PDZRN4: variants seen among roughly 807,000 people sequenced by gnomAD.
PDZRN4 encodes PDZ domain containing ring finger 4.
In PDZRN4, 70 loss-of-function variants were observed where a neutral mutation model predicts 99.0. The observed-to-expected ratio is 0.71, with a 90% CI of 0.58 to 0.86. The LOEUF is 0.86. Ranked by LOEUF, PDZRN4 falls within the 40% of genes least tolerant of loss-of-function variation. The probability of loss-of-function intolerance (pLI) is 0.00; values close to 1 mark genes in which losing one functional copy is unlikely to be tolerated. For synonymous variants in PDZRN4, 551 were observed against 501.6 expected, an observed-to-expected ratio of 1.10 and a Z score of -1.32; for missense variants, 1,474 against 1,331.2, an observed-to-expected ratio of 1.11 and a Z score of -1.67.
chr12:41,256,740 G>A (rs945399245), intron 3 of PDZRN4, among the ~76,000 whole-genome samples: 5 of 152,098 alleles, frequency 3.3e-5, no homozygotes, highest in Admixed American at 6.6e-5. Context: ...ACCTTCTTGT[G>A]TGTCTCAAGC....
intron 5 of PDZRN4, among the ~76,000 whole-genome samples, chr12:41,519,393 C>T (rs1938454470): frequency 1.3e-5 from 2 of 152,060 alleles, no homozygotes; most frequent in Admixed American, 1.3e-4. Flanking sequence ...AGAAAGCTGA[C>T]AGCAGCCCTG....
At chr12:41,524,584 T>A (rs1233417580) in intron 5 of PDZRN4, among the ~76,000 whole-genome samples, 1 of 151,490 alleles carries the variant, frequency 6.6e-6, no homozygotes, top group South Asian at 2.1e-4. Flanking sequence ...AAGGCCAGAG[T>A]TGTTGGAATG....
chr12:41,437,929 C>A (rs1224099419), intron 3 of PDZRN4: 1 of 1,613,970 alleles, frequency 6.2e-7, no homozygotes, highest in Non-Finnish European at 8.5e-7. Context: ...TTTGCTCTCT[C>A]TCTCTGCTTC....
chr12:41,377,425 G>A (rs1396623037), intron 3 of PDZRN4, among the ~76,000 whole-genome samples: 1 of 152,040 alleles, frequency 6.6e-6, no homozygotes, highest in Non-Finnish European at 1.5e-5. Flanking sequence ...GTTTTCTTGG[G>A]AGGCCAAGGC....
At chr12:41,571,279 A>G (rs1939467128) in intron 9 of PDZRN4, among the ~76,000 whole-genome samples, 1 of 151,264 alleles carries the variant, frequency 6.6e-6, no homozygotes, top group African/African-American at 2.4e-5. Flanking sequence ...CTACACATGC[A>G]TCTTATTAGG....
intron 3 of PDZRN4, among the ~76,000 whole-genome samples, chr12:41,365,416 A>G (rs1240431061): frequency 6.6e-6 from 1 of 152,016 alleles, no homozygotes; most frequent in Non-Finnish European, 1.5e-5. Flanking sequence ...TTCTAAAATA[A>G]CCCACATGAT....
At chr12:41,480,124 G>A (rs1342831148) in intron 3 of PDZRN4, among the ~76,000 whole-genome samples, 1 of 152,070 alleles carries the variant, frequency 6.6e-6, no homozygotes, top group Non-Finnish European at 1.5e-5. Context: ...GGAAATATTA[G>A]CAATTTCTTC....
At chr12:41,267,878 G>A (rs184481758) in intron 3 of PDZRN4, among the ~76,000 whole-genome samples, 1 of 151,912 alleles carries the variant, frequency 6.6e-6, no homozygotes, top group East Asian at 1.9e-4. Flanking sequence ...GAAGAAGAAG[G>A]TGTGAGTAAG....
intron 3 of PDZRN4, among the ~76,000 whole-genome samples, chr12:41,432,569 G>A (rs1952594224): frequency 6.6e-6 from 1 of 152,130 alleles, no homozygotes. Flanking sequence ...ATGAGTTTTG[G>A]GGGCTCAAAG....
At chr12:41,288,770 G>C (rs1951437503) in intron 3 of PDZRN4, among the ~76,000 whole-genome samples, 1 of 152,050 alleles carries the variant, frequency 6.6e-6, no homozygotes, top group Non-Finnish European at 1.5e-5. Flanking sequence ...TAGCAACCCA[G>C]CCTCATTAGT....
chr12:41,509,714 C>T (rs1938273619), intron 4 of PDZRN4, 97 bp from the exon 5 acceptor site: 2 of 635,626 alleles, frequency 3.1e-6, no homozygotes, highest in East Asian at 2.8e-5. Context: ...GATCTTATTC[C>T]AAAGCAGAGC....
At chr12:41,560,666 T>G (rs1448479778) in intron 7 of PDZRN4, among the ~76,000 whole-genome samples, 1 of 152,204 alleles carries the variant, frequency 6.6e-6, no homozygotes, top group Non-Finnish European at 1.5e-5. Context: ...CATGTCTGCC[T>G]GGTATTTTCC....
chr12:41,330,560 A>T (rs1565553735), intron 3 of PDZRN4, among the ~76,000 whole-genome samples: 1 of 152,010 alleles, frequency 6.6e-6, no homozygotes. Context: ...AGCTCATGAG[A>T]AAATTAAAAC....
intron 3 of PDZRN4, among the ~76,000 whole-genome samples, chr12:41,454,819 T>TA (rs144620901): frequency 1.3e-5 from 2 of 152,190 alleles, no homozygotes; most frequent in Non-Finnish European, 2.9e-5. Flanking sequence ...TTCCCTTATG[T>TA]AAAAAATGGC....
intron 3 of PDZRN4, among the ~76,000 whole-genome samples, chr12:41,358,105 G>A (rs181393162): frequency 1.6e-3 from 238 of 152,096 alleles, no homozygotes; most frequent in African/African-American, 4.6e-3. Flanking sequence ...TTTGAACGAT[G>A]TGAATTTGCA....
At chr12:41,222,560 C>T (rs559958918) in intron 3 of PDZRN4, among the ~76,000 whole-genome samples, 3 of 152,206 alleles carry the variant, frequency 2.0e-5, no homozygotes, top group East Asian at 3.9e-4. Flanking sequence ...ACTCTGTCGC[C>T]CAGGCTGGAG....
intron 3 of PDZRN4, among the ~76,000 whole-genome samples, chr12:41,241,275 A>G (rs143554725): frequency 2.6e-3 from 399 of 152,212 alleles, no homozygotes; most frequent in Non-Finnish European, 4.4e-3. Flanking sequence ...GATTATGAAT[A>G]CTCAATCTGT....
chr12:41,550,131 AGTT>A (rs1437836756), intron 5 of PDZRN4, among the ~76,000 whole-genome samples: 4 of 152,310 alleles, frequency 2.6e-5, no homozygotes, highest in Admixed American at 2.6e-4. Context: ...ATTGCCAAAA[AGTT>A]GTTCTAAGCA....
chr12:41,467,910 T>G (rs1189194663), intron 3 of PDZRN4, among the ~76,000 whole-genome samples: 8 of 152,230 alleles, frequency 5.3e-5, no homozygotes, highest in Admixed American at 5.2e-4. Context: ...TGAAAGACTC[T>G]TTTCCCCCTG....
Sources: allele counts gnomAD v4.1 joint callset (sites outside exome capture counted in the v4.1 genomes callset), GRCh38; gene constraint gnomAD v4.1.1; transcripts MANE v1.5; gene names NCBI Gene and HGNC (gene_info 2026-07-23, HGNC 2026-07-21).